Variants in CDK12 observed in about 807,000 individuals in gnomAD.
CDK12 encodes cyclin-dependent kinase 12.
CDK12 carries 17 observed loss-of-function variants against 133.8 expected under a neutral mutation model. The ratio of observed to expected loss-of-function variants is 0.13; its 90% CI spans 0.09 to 0.19. CDK12 has a LOEUF of 0.19. CDK12 is among the 10% of genes least tolerant of loss of function. The pLI is 1.00. For synonymous variants in CDK12, 694 were observed against 683.6 expected (o/e 1.02, Z -0.24); for missense variants, 1,508 against 1,818.7 (o/e 0.83, Z 3.11).
At chr17:39,502,147 A>AGTTT (rs898595231) in intron 6 of CDK12, among the ~76,000 whole-genome samples, 24 of 111,138 alleles carry the variant, frequency 2.2e-4, no homozygotes, top group South Asian at 2.9e-4. Flanking sequence ...CTGGCATACT[A>AGTTT]GTTTGTTTGT....
In CDK12 at chr17:39,462,760, G is replaced by T; in HGVS notation, c.689G>T (p.Ser230Ile). Residue 230 changes from serine (S) to isoleucine (I), a missense_variant, in exon 1 of 14, where the codon AGC becomes ATC. Around this residue, in one of 9 missense-constraint regions of CDK12, gnomAD observed 460 missense variants for 490.8 expected, o/e 0.94. Transcript: ENST00000447079. ...AGCCCCCACAGGAAGTGGTCTGACA[G>T]CTCCAAACAAGATGATAGCCCCTCG... ...SRSPHRKWSD[S>I]SKQDDSPSGA... 6.2e-7 allele frequency: 1 copy of T among 1,614,154 alleles called. No individual in the cohort carries two copies. The highest frequency in any genetic ancestry group is 8.5e-7 in the Non-Finnish European group (1 of 1,180,038).
At chr17:39,487,885 T>C (rs533837255) in intron 2 of CDK12, among the ~76,000 whole-genome samples, 23 of 152,132 alleles carry the variant, frequency 1.5e-4, no homozygotes, top group Admixed American at 1.2e-3. Flanking sequence ...AAAGTGTTGG[T>C]ATTACGGGCA....
chr17:39,516,660 CTT>C (rs900007701), intron 9 of CDK12, among the ~76,000 whole-genome samples: 12 of 116,000 alleles, frequency 1.0e-4, no homozygotes, highest in African/African-American at 1.0e-4. Flanking sequence ...CTAATGCAGA[CTT>C]TTTTTTTTTT....
rs1168347395 is a variant in CDK12 at position 39,490,616 on chromosome 17, A to G, written c.1991A>G (p.His664Arg). ...VKKEKEQRTR[H>R]LLTDLPLPPE... ...AAAGAGAAGGAACAGAGGACACGTCACTTACTCACAGACCTTCCTCTCCCT... is the reference window on the plus strand; with the variant it reads ...AAAGAGAAGGAACAGAGGACACGTCGCTTACTCACAGACCTTCCTCTCCCT... The change falls in exon 3 of 14, where the codon CAC (histidine) becomes CGC (arginine). Residue 664 changes from histidine to arginine, a missense_variant. Physicochemically the swap from His to Arg is conservative, Grantham distance 29. Transcript: ENST00000447079. The G allele has an allele frequency of 6.2e-7, 1 of 1,613,576 alleles. No individual in the cohort carries two copies. Among genetic ancestry groups the G allele is most frequent in the Non-Finnish European group, 8.5e-7 (1 of 1,179,620 alleles).
At chr17:39,469,376 C>T (rs537484807) in intron 1 of CDK12, among the ~76,000 whole-genome samples, 4 of 152,172 alleles carry the variant, frequency 2.6e-5, no homozygotes, top group Admixed American at 1.3e-4. Context: ...GTTTTTGAAA[C>T]GTTCTAAAAG....
At position 39,534,260 on chromosome 17, in the gene CDK12, A is replaced by G. The variant is rs1233221357; in HGVS notation, c.*2944A>G. The stretch of plus-strand genomic sequence containing the variant: ...TAGCTTATGCCATAGACATCACCCA[A>G]CCACTTGTATGTGTGTGTGTATATA... On this transcript the variant is annotated 3_prime_UTR_variant, in exon 14 of 14. Transcript: ENST00000447079. 4.3e-6 allele frequency: 1 copy of G among 232,848 alleles called. No homozygotes were observed. Among genetic ancestry groups the G allele is most frequent in the Non-Finnish European group, 8.5e-6 (1 of 117,774 alleles). 14.4% of individuals were successfully genotyped at this position (232,848 alleles called of 1,614,324 possible).
chr17:39,462,144 T>C lies in CDK12; in HGVS notation c.73T>C (p.Ser25Pro). ...GGASGTLQPS[S>P]GGGSSNSRER... ...AGCTTCTGGAACTTTGCAGCCGTCA[T>C]CGGGAGGCGGCAGCTCTAACAGCAG... Residue 25 changes from serine (S) to proline (P), a missense_variant, in exon 1 of 14, where the codon TCG becomes CCG. Coordinates refer to ENST00000447079, the MANE Select transcript of CDK12 (RefSeq NM_016507.4). 1.9e-6 allele frequency: 3 copies of C among 1,614,182 alleles called. No homozygotes were observed. Among genetic ancestry groups the C allele is most frequent in the Non-Finnish European group, 2.5e-6 (3 of 1,180,014 alleles).
At chr17:39,480,052 T>G (rs989820607) in intron 2 of CDK12, among the ~76,000 whole-genome samples, 4 of 151,178 alleles carry the variant, frequency 2.6e-5, no homozygotes, top group African/African-American at 7.3e-5. Flanking sequence ...GCTGCCTGAG[T>G]AGCTGGGATT....
intron 7 of CDK12, among the ~76,000 whole-genome samples, chr17:39,510,658 G>C (rs2053444516): frequency 6.6e-6 from 1 of 150,882 alleles, no homozygotes; most frequent in South Asian, 2.1e-4. Flanking sequence ...TTGTTGCCCA[G>C]GCTGGAGTGC....
At chr17:39,540,629 T>C (rs1186221303) in intron 1 of CDK12, among the ~76,000 whole-genome samples, 2 of 152,264 alleles carry the variant, frequency 1.3e-5, no homozygotes, top group Non-Finnish European at 2.9e-5. Flanking sequence ...CACAATTCTC[T>C]AGCTTGATTC....
Position 39,463,129 on chromosome 17 carries a change from G to A in CDK12, c.1046+12G>A, listed in dbSNP as rs372721785. 3 of 1,608,666 alleles carry A rather than the reference G, an allele frequency of 1.9e-6. No individual in the cohort carries two copies. The highest frequency in any genetic ancestry group is 1.7e-6 in the Non-Finnish European group (2 of 1,176,520). On this transcript the variant is annotated intron_variant, in intron 1 of 13. Coordinates refer to ENST00000447079, the MANE Select transcript of CDK12 (RefSeq NM_016507.4). The stretch of plus-strand genomic sequence containing the variant: ...AGTCCACTCCCCAGGTGAGCTATTT[G>A]TCTAACAGTCCTTCCTCATTTAGGG...
At chr17:39,466,550 G>A (rs2049322623) in intron 1 of CDK12, among the ~76,000 whole-genome samples, 1 of 141,806 alleles carries the variant, frequency 7.1e-6, no homozygotes, top group Non-Finnish European at 1.5e-5. Flanking sequence ...GGAGGAGGAG[G>A]TTGAGGTGAG....
At chr17:39,553,207 C>T (rs2056023716) in intron 2 of CDK12, among the ~76,000 whole-genome samples, 1 of 152,134 alleles carries the variant, frequency 6.6e-6, no homozygotes, top group Non-Finnish European at 1.5e-5. Flanking sequence ...TTTCCTCCTT[C>T]TCCCCTAAAT....
At chr17:39,468,142 G>A (rs544757955) in intron 1 of CDK12, among the ~76,000 whole-genome samples, 4 of 152,014 alleles carry the variant, frequency 2.6e-5, no homozygotes, top group Admixed American at 2.6e-4. Context: ...TGATCCACCC[G>A]CCTCAGCCTC....
intron 7 of CDK12, 37 bp from the exon 8 acceptor site, chr17:39,511,492 C>A (rs2146369567): frequency 7.6e-7 from 1 of 1,308,844 alleles, no homozygotes; most frequent in Non-Finnish European, 1.1e-6. Context: ...TCAGAAGCCA[C>A]TGTAAGTTTA....
At chr17:39,503,923 G>C (rs2052911098) in intron 6 of CDK12, among the ~76,000 whole-genome samples, 1 of 152,148 alleles carries the variant, frequency 6.6e-6, no homozygotes, top group Non-Finnish European at 1.5e-5. Context: ...CTTCTGTTTT[G>C]GAAAGGTCAC....
intron 3 of CDK12, among the ~76,000 whole-genome samples, chr17:39,562,875 CTT>C (rs2056422926): frequency 7.5e-6 from 1 of 132,744 alleles, no homozygotes; most frequent in African/African-American, 3.0e-5. Context: ...CTGTCTCTCT[CTT>C]CTCCTTTTTT....
rs767244134 is a variant in CDK12, at chr17:39,526,235, C to G, written c.3679C>G (p.Leu1227Val). Reference sequence around the variant, plus strand: ...GAAAACCCAAGAGCCAGCAGGCAGTCTGGAGGAAAACAACAGTGACAAGAA... The same window carrying G: ...GAAAACCCAAGAGCCAGCAGGCAGTGTGGAGGAAAACAACAGTGACAAGAA... ...LMKTQEPAGS[L>V]EENNSDKNSG... Residue 1227 changes from leucine (L) to valine (V), a missense_variant, in exon 13 of 14, where the codon CTG becomes GTG. Leu to Val is a conservative substitution (Grantham distance 32, BLOSUM62 1). Transcript: ENST00000447079. 6 of 1,612,746 alleles carry G rather than the reference C, an allele frequency of 3.7e-6. No individual in the cohort carries two copies. In the Admixed American group the frequency reaches 1.0e-4, roughly 27 times the overall value.
chr17:39,494,998 C>G lies in CDK12; in HGVS notation c.2419+304C>G, dbSNP rs1165555285. On this transcript the variant is annotated intron_variant, in intron 5 of 13. Transcript: ENST00000447079. ...GTGTTAGCCAGGATGGTCTCGATCT[C>G]CTGACCTCGTGATCCGCCCGCCTGG... is the stretch of plus-strand genomic sequence containing the variant. 3.3e-5 allele frequency among the ~76,000 whole-genome samples: 5 copies of G among 152,098 alleles called. No homozygotes were observed. In the East Asian group the frequency reaches 5.8e-4, roughly 18 times the overall value.
Sources: allele counts gnomAD v4.1 joint callset (sites outside exome capture counted in the v4.1 genomes callset), GRCh38; gene constraint gnomAD v4.1.1; regional missense constraint gnomAD v4.1.1; transcripts MANE v1.5; gene names NCBI Gene and HGNC (gene_info 2026-07-23, HGNC 2026-07-21).